MGAM: variants seen among roughly 807,000 people sequenced by gnomAD.
MGAM encodes the protein alpha-1,4-glucosidase.
In MGAM, 253 loss-of-function variants were observed where a neutral mutation model predicts 358.8. The observed-to-expected ratio is 0.71, with a 90% CI of 0.64 to 0.78. The LOEUF is 0.78. Among genes scored for constraint, MGAM ranks in the 30% least tolerant of loss-of-function variants. MGAM has a pLI of 0.00. For missense variants in MGAM, 3,080 were observed against 3,432.6 expected, an observed-to-expected ratio of 0.90 and a Z score of 2.57; for synonymous variants, 1,105 against 1,227.1, an observed-to-expected ratio of 0.90 and a Z score of 2.08.
Position 142,016,874 on chromosome 7 carries a change from A to G in MGAM, c.328-2325A>G, listed in dbSNP as rs368346569. Among the ~76,000 whole-genome samples the G allele has an allele frequency of 3.0e-3, 459 of 152,352 alleles. 3 individuals are homozygous for G. The highest frequency in any genetic ancestry group is 0.014 in the Middle Eastern group (4 of 294). On this transcript the variant is annotated intron_variant, in intron 3 of 70. Coordinates refer to ENST00000475668, the MANE Select transcript of MGAM (RefSeq NM_001365693.1). The stretch of plus-strand genomic sequence containing the variant: ...AGTGCTGGGATTACAGGCGAGAGCC[A>G]CTGCACCCAGCTGGCATTCTTTTTA...
chr7:141,994,023 G>A (rs528983980), upstream of MGAM, among the ~76,000 whole-genome samples: 4 of 152,190 alleles, frequency 2.6e-5, no homozygotes, highest in African/African-American at 7.2e-5. Context: ...TTACAGGCAC[G>A]CACCGCCATG....
chr7:142,106,116 C>A lies in MGAM; in HGVS notation c.*225C>A. On this transcript the variant is annotated 3_prime_UTR_variant, in exon 71 of 71. Transcript: ENST00000475668. ...GAAAATCTATGCATTACCTTAATGT[C>A]TCTGTGTGGTTAGTATGGTAGTGAC... 2.3e-6 allele frequency: 1 copy of A among 433,878 alleles called. No individual in the cohort carries two copies. Among genetic ancestry groups the A allele is most frequent in the Non-Finnish European group, 4.3e-6 (1 of 232,926 alleles). 26.9% of individuals were successfully genotyped at this position (433,878 alleles called of 1,614,324 possible). A position where few individuals can be genotyped will look rare whatever the true frequency, so the allele number is the denominator to read the frequency against.
chr7:142,044,037 G>A (rs1235415485), intron 21 of MGAM, among the ~76,000 whole-genome samples: 11 of 115,384 alleles, frequency 9.5e-5, no homozygotes, highest in East Asian at 2.5e-4. Context: ...CACATACGAC[G>A]TATAATATAT....
chr7:142,032,726 C>T (rs1807616864), intron 13 of MGAM, 99 bp from the exon 14 acceptor site: 2 of 707,324 alleles, frequency 2.8e-6, no homozygotes, highest in Non-Finnish European at 4.8e-6. Context: ...TTTAAAATAT[C>T]TGGAATAATT....
intron 3 of MGAM, 24 bp downstream of exon 3, chr7:142,008,729 C>T: frequency 6.2e-7 from 1 of 1,600,094 alleles, no homozygotes. Context: ...ATTTTGTTTC[C>T]ATTTTAGAAT....
At chr7:142,088,800 T>TGTAC (rs1487811245) in intron 57 of MGAM, among the ~76,000 whole-genome samples, 2 of 123,946 alleles carry the variant, frequency 1.6e-5, no homozygotes, top group South Asian at 2.7e-4. Flanking sequence ...TATCTATCTA[T>TGTAC]CATTCTATCC....
intron 2 of MGAM, among the ~76,000 whole-genome samples, chr7:141,987,395 G>A (rs372488402): frequency 3.3e-5 from 5 of 152,118 alleles, no homozygotes; most frequent in African/African-American, 4.8e-5. Flanking sequence ...ATAACATGCC[G>A]TAATCCCACA....
At chr7:142,067,957 TATATATAAATATATATATATATATATATA>T (rs1381002474) in intron 42 of MGAM, among the ~76,000 whole-genome samples, 1,423 of 35,440 alleles carry the variant, frequency 0.04, 88 homozygotes, top group African/African-American at 0.066. Context: ...TATATATATA[TATATATAAATATATATATATATATATATA>T]TTTTTTTTTT....
chr7:142,003,565 C>T lies in MGAM; in HGVS notation c.-2-1964C>T, dbSNP rs1554451388. On this transcript the variant is annotated intron_variant, in intron 1 of 70. Coordinates refer to ENST00000475668, the MANE Select transcript of MGAM (RefSeq NM_001365693.1). Reference sequence around the variant, plus strand: ...AAATTAACTCAAGATGGATTTAAGGCTTAAATGTAAGACCTGAAACTATAA... The same window carrying T: ...AAATTAACTCAAGATGGATTTAAGGTTTAAATGTAAGACCTGAAACTATAA... Among the ~76,000 whole-genome samples, 5 of 152,068 alleles carry T rather than the reference C, an allele frequency of 3.3e-5. 1 individual carries two copies. The South Asian group carries it at 8.3e-4, about 25-fold the overall frequency.
rs781328030 is a variant in MGAM at position 142,078,865 on chromosome 7, A to G, written c.5704A>G (p.Ser1902Gly). 3.2e-5 allele frequency: 50 copies of G among 1,555,566 alleles called. 5 individuals carry two copies. Among genetic ancestry groups the G allele is most frequent in the Non-Finnish European group, 2.6e-5 (29 of 1,132,202 alleles). The change falls in exon 49 of 71, where the codon AGT becomes GGT. Residue 1902 changes from serine to glycine, a missense_variant. Around this residue, in one of 5 missense-constraint regions of MGAM, gnomAD observed 932 missense variants for 1,198.2 expected, o/e 0.78. Coordinates refer to ENST00000475668, the MANE Select transcript of MGAM (RefSeq NM_001365693.1). ...CYFVNDLYSV[S>G]DVQYNSHGAT... ...TTTTGTCAACGACCTATACTCTGTC[A>G]GTGATGTTCAGTATAACTCCCATGG...
rs1205543721 is a variant in MGAM, at chr7:142,089,345, T to G, written c.6811-2568T>G. ...TGCCCATAGCTCTGATTTCAGGGAA[T>G]TCTCCACAAAATATCTCTCACCTCA... is the stretch of plus-strand genomic sequence containing the variant. On this transcript the variant is annotated intron_variant, in intron 57 of 70. Coordinates refer to ENST00000475668, the MANE Select transcript of MGAM (RefSeq NM_001365693.1). Among the ~76,000 whole-genome samples, 2 of 146,694 alleles carry G rather than the reference T, an allele frequency of 1.4e-5. 1 individual carries two copies. The highest frequency in any genetic ancestry group is 4.9e-5 in the African/African-American group (2 of 41,180).
intron 26 of MGAM, 42 bp from the exon 27 acceptor site, chr7:142,054,712 A>C (rs762501416): frequency 6.2e-7 from 1 of 1,607,474 alleles, no homozygotes; most frequent in African/African-American, 1.3e-5. Context: ...TATAGGTTTC[A>C]AGAGTAGTAT....
In MGAM at chr7:142,025,033, T is replaced by C. The variant is rs781981965; in HGVS notation, c.883-17T>C. 1 of 1,608,206 alleles carries C rather than the reference T, an allele frequency of 6.2e-7. No homozygotes were observed. Reference sequence around the variant, plus strand: ...CTTCTTAGTTGTAAATTTTGGTTTTTAATTCTCTTTCTGCAGAACGGAACT... The same window carrying C: ...CTTCTTAGTTGTAAATTTTGGTTTTCAATTCTCTTTCTGCAGAACGGAACT... On this transcript the variant is annotated splice_polypyrimidine_tract_variant and intron_variant, in intron 7 of 70. Transcript: ENST00000475668.
intron 27 of MGAM, 95 bp from the exon 28 acceptor site, chr7:142,055,463 A>G: frequency 6.9e-7 from 1 of 1,458,598 alleles, no homozygotes; most frequent in Non-Finnish European, 9.6e-7. Flanking sequence ...GCTTCTTGGT[A>G]GGAATCAAGT....
intron 1 of MGAM, among the ~76,000 whole-genome samples, 197 bp from the exon 2 acceptor site, chr7:142,005,332 G>A (rs1805063984): frequency 6.6e-6 from 1 of 152,000 alleles, no homozygotes; most frequent in African/African-American, 2.4e-5. Flanking sequence ...AAGTAATTCA[G>A]GGGTAGGGAG....
rs781877279 is a variant in MGAM at position 142,025,156 on chromosome 7, G to A, written c.982+7G>A. ...ATGAACAGCAATGCCATGGGTAAAG[G>A]AATATTCATGGAAAAAACAAGCACA... On this transcript the variant is annotated splice_region_variant and intron_variant, in intron 8 of 70. Transcript: ENST00000475668. 2 of 1,581,606 alleles carry A rather than the reference G, an allele frequency of 1.3e-6. No individual in the cohort carries two copies. Among genetic ancestry groups the A allele is most frequent in the East Asian group, 2.2e-5 (1 of 44,670 alleles).
chr7:142,036,367 G>A, intron 17 of MGAM, 82 bp downstream of exon 17: 1 of 1,069,272 alleles, frequency 9.4e-7, no homozygotes, highest in Non-Finnish European at 1.4e-6. Context: ...CAAGAGATCT[G>A]CTGAACCAAC....
chr7:142,012,857 G>C (rs892353849), intron 3 of MGAM, among the ~76,000 whole-genome samples: 1 of 152,124 alleles, frequency 6.6e-6, no homozygotes, highest in Non-Finnish European at 1.5e-5. Flanking sequence ...CCTCCATGTA[G>C]TCACGGAGTC....
intron 34 of MGAM, among the ~76,000 whole-genome samples, chr7:142,062,092 G>A (rs934291163): frequency 3.3e-5 from 5 of 152,134 alleles, no homozygotes; most frequent in Non-Finnish European, 5.9e-5. Flanking sequence ...ACACTGAGGC[G>A]TACTTGTCTA....
Sources: gnomAD v4.1 joint callset for allele counts (sites outside exome capture counted in the v4.1 genomes callset) on GRCh38, gnomAD v4.1.1 for gene constraint, gnomAD v4.1.1 regional missense constraint, MANE v1.5 for transcripts, NCBI Gene and HGNC (gene_info 2026-07-23, HGNC 2026-07-21) for gene names.